Variants in WIPF3 observed in about 807,000 individuals in gnomAD.
WIPF3 encodes WAS/WASL interacting protein family member 3, also known as WAS/WASL-interacting protein family member 3.
A neutral mutation model predicts 38.9 loss-of-function variants in WIPF3; 33 were observed. The ratio of observed to expected loss-of-function variants is 0.85; its 90% CI spans 0.64 to 1.14. WIPF3 has a LOEUF of 1.14. Among genes scored for constraint, WIPF3 ranks in the 50% most tolerant of loss-of-function variants. The probability of loss-of-function intolerance (pLI) is 0.00; values close to 1 mark genes in which losing one functional copy is unlikely to be tolerated. For synonymous variants in WIPF3, 324 were observed against 269.3 expected (o/e 1.20, Z -1.99); for missense variants, 711 against 652.5 (o/e 1.09, Z -0.98).
chr7:29,824,731 C>T (rs938324995), intron 1 of WIPF3, among the ~76,000 whole-genome samples: 4 of 151,976 alleles, frequency 2.6e-5, no homozygotes, highest in Admixed American at 6.6e-5. Context: ...TAGGTGACAC[C>T]TGTAGTCGAT....
At chr7:29,833,499 G>C (rs867836418) in intron 1 of WIPF3, among the ~76,000 whole-genome samples, 1 of 152,194 alleles carries the variant, frequency 6.6e-6, no homozygotes, top group Non-Finnish European at 1.5e-5. Flanking sequence ...GTAGAAATAA[G>C]TGTGATTAGT....
At chr7:29,835,731 A>G (rs1166076327) in intron 2 of WIPF3, among the ~76,000 whole-genome samples, 1 of 152,220 alleles carries the variant, frequency 6.6e-6, no homozygotes, top group Non-Finnish European at 1.5e-5. Context: ...GGCGTCTCGC[A>G]TCCGCTCCGC....
intron 4 of WIPF3, 112 bp from the exon 5 acceptor site, chr7:29,883,738 G>T: frequency 7.2e-7 from 1 of 1,392,530 alleles, no homozygotes. Flanking sequence ...AGAAAAAGCG[G>T]TCTACAGTGC....
In WIPF3 at chr7:29,834,782, G is replaced by A. The variant is rs1163664605; in HGVS notation, c.58G>A (p.Ala20Thr). 9 of 1,513,574 alleles carry A rather than the reference G, an allele frequency of 5.9e-6. No homozygotes were observed. The highest frequency in any genetic ancestry group is 2.2e-5 in the Admixed American group (1 of 46,442). 93.8% of individuals were successfully genotyped at this position (1,513,574 alleles called of 1,614,324 possible). The change falls in exon 2 of 9, where the codon GCT (alanine) becomes ACT (threonine). Residue 20 changes from alanine to threonine, a missense_variant. Physicochemically the swap from Ala to Thr is moderately conservative, Grantham distance 58. Transcript: ENST00000242140. ...GCCTCCACCTCCCCCGCCTCTGGGGGCTCCTCCCCCTCCCCCACCATCAGC... is the reference window on the plus strand; with the variant it reads ...GCCTCCACCTCCCCCGCCTCTGGGGACTCCTCCCCCTCCCCCACCATCAGC... Reference protein sequence around the residue: ...PLPPPPPPLGAPPPPPPSAPP... With the variant: ...PLPPPPPPLGTPPPPPPSAPP...
chr7:29,828,243 A>G (rs1413180550), intron 1 of WIPF3, among the ~76,000 whole-genome samples: 5 of 152,244 alleles, frequency 3.3e-5, no homozygotes, highest in African/African-American at 1.2e-4. Context: ...AGTGTGTAAA[A>G]TTACTTACAT....
chr7:29,850,634 G>A (rs952326519), intron 2 of WIPF3, among the ~76,000 whole-genome samples: 1 of 152,176 alleles, frequency 6.6e-6, no homozygotes, highest in Non-Finnish European at 1.5e-5. Context: ...AGAGATTCAG[G>A]CTCACACAGG....
rs1166180481 is a variant in WIPF3, at chr7:29,884,324, C to T, written c.830C>T (p.Ala277Val). 1 of 1,413,950 alleles carries T rather than the reference C, an allele frequency of 7.1e-7. No individual in the cohort carries two copies. The highest frequency in any genetic ancestry group is 1.6e-5 in the African/African-American group (1 of 63,062). 87.6% of individuals were successfully genotyped at this position (1,413,950 alleles called of 1,614,324 possible). The stretch of plus-strand genomic sequence containing the variant: ...CCTTGTGGGTATCCGGGGCTCAAAG[C>T]GGAGCCCGCCAGCCCTGCGCAAGAT... ...LPPCGYPGLK[A>V]EPASPAQDAQ... The change falls in exon 5 of 9, where the codon GCG becomes GTG. Residue 277 changes from alanine to valine, a missense_variant. Ala to Val is a moderately conservative substitution (Grantham distance 64). Coordinates refer to ENST00000242140, the MANE Select transcript of WIPF3 (RefSeq NM_001080529.3).
intron 2 of WIPF3, among the ~76,000 whole-genome samples, chr7:29,868,976 AC>A (rs1387946463): frequency 4.6e-5 from 7 of 151,054 alleles, no homozygotes; most frequent in Admixed American, 2.6e-4. Flanking sequence ...ATGTACATAC[AC>A]CCCCCAAGCA....
intron 1 of WIPF3, among the ~76,000 whole-genome samples, chr7:29,831,011 A>G (rs1158331441): frequency 6.6e-6 from 1 of 152,252 alleles, no homozygotes; most frequent in Non-Finnish European, 1.5e-5. Context: ...GAAAAACTGT[A>G]GACACTGACG....
intron 2 of WIPF3, among the ~76,000 whole-genome samples, chr7:29,839,131 T>C (rs1056703012): frequency 2.0e-5 from 3 of 152,182 alleles, no homozygotes; most frequent in African/African-American, 7.2e-5. Flanking sequence ...TGGGTGCTTC[T>C]AGAGTGCTGG....
chr7:29,879,875 G>C (rs1458605400), intron 4 of WIPF3, among the ~76,000 whole-genome samples: 1 of 152,184 alleles, frequency 6.6e-6, no homozygotes, highest in South Asian at 2.1e-4. Context: ...CTTAGTCTTG[G>C]AAGTATTACT....
chr7:29,841,365 T>C (rs752618180), intron 2 of WIPF3, among the ~76,000 whole-genome samples: 1 of 152,174 alleles, frequency 6.6e-6, no homozygotes, highest in Non-Finnish European at 1.5e-5. Context: ...CTTTTCTTTT[T>C]TCAAGAGCGT....
chr7:29,861,518 A>T lies in WIPF3; in HGVS notation c.91-14312A>T, dbSNP rs991554495. Among the ~76,000 whole-genome samples, 3 of 152,034 alleles carry T rather than the reference A, an allele frequency of 2.0e-5. No individual in the cohort carries two copies. In the East Asian group the frequency reaches 5.8e-4, roughly 29 times the overall value. On this transcript the variant is annotated intron_variant, in intron 2 of 8. Coordinates refer to ENST00000242140, the MANE Select transcript of WIPF3 (RefSeq NM_001080529.3). ...TTTCCTTTGTTTTCTCTTCGTTGTG[A>T]CCTGTTAGCATAGTAGTTTATACTA... is the stretch of plus-strand genomic sequence containing the variant.
At position 29,884,264 on chromosome 7, in the gene WIPF3, T is replaced by TTCCCCCCCCCCCCCC; in HGVS notation, c.770_771insTCCCCCCCCCCCCCC (p.Pro259_Ile260insProProProProPro). Reference sequence around the variant, plus strand: ...AAGCCTCAGCTGGCTCCCTTGCACCTCCCGCCCATCCCGCCCCCGCTCCCT... The same window carrying TTCCCCCCCCCCCCCC: ...AAGCCTCAGCTGGCTCCCTTGCACCTTCCCCCCCCCCCCCCCCCGCCCATCCCGCCCCCGCTCCCT... On this transcript the variant is annotated inframe_insertion, in exon 5 of 9. Coordinates refer to ENST00000242140, the MANE Select transcript of WIPF3 (RefSeq NM_001080529.3). The TTCCCCCCCCCCCCCC allele has an allele frequency of 1.1e-5, 14 of 1,315,266 alleles. No individual in the cohort carries two copies. Among genetic ancestry groups the TTCCCCCCCCCCCCCC allele is most frequent in the South Asian group, 2.7e-5 (2 of 74,142 alleles). The allele number at this position is 1,315,266 out of a possible 1,614,324, so 81.5% of individuals were successfully genotyped here. A position where few individuals can be genotyped will look rare whatever the true frequency, so the allele number is the denominator to read the frequency against.
chr7:29,806,909 CGGCCG>C (rs554229016), intron 1 of WIPF3, among the ~76,000 whole-genome samples: 13 of 151,354 alleles, frequency 8.6e-5, no homozygotes, highest in Non-Finnish European at 1.5e-4. Flanking sequence ...CACGCCGCCC[CGGCCG>C]GGCCGGGCCG....
chr7:29,889,879 G>A (rs1183615589), intron 7 of WIPF3, among the ~76,000 whole-genome samples: 1 of 152,128 alleles, frequency 6.6e-6, no homozygotes, highest in Non-Finnish European at 1.5e-5. Context: ...AATCCTGAAG[G>A]CCAGGTTACA....
intron 2 of WIPF3, among the ~76,000 whole-genome samples, chr7:29,847,232 A>T (rs1159940545): frequency 1.3e-5 from 2 of 152,242 alleles, no homozygotes; most frequent in Admixed American, 6.5e-5. Context: ...CGACATGTTC[A>T]GGTCAAAAGT....
In WIPF3 at chr7:29,823,269, CA is replaced by C. The variant is rs1256005186; in HGVS notation, c.-57-11398del. On this transcript the variant is annotated intron_variant, in intron 1 of 8. Transcript: ENST00000242140. This position sits in a 1 kb window ranked among gnomAD's most constrained non-coding sequence, Gnocchi z 4.0. ...CTGTAAGCTTTGAGAACCCAACATTCATTTTTTTTTTAGATGGAGTGTCACT... is the reference window on the plus strand; with the variant it reads ...CTGTAAGCTTTGAGAACCCAACATTCTTTTTTTTTTAGATGGAGTGTCACT... 6.6e-6 allele frequency among the ~76,000 whole-genome samples: 1 copy of C among 151,946 alleles called. No individual in the cohort carries two copies. The highest frequency in any genetic ancestry group is 1.5e-5 in the Non-Finnish European group (1 of 67,998).
At chr7:29,910,211 A>G (rs1786480272) in intron 8 of WIPF3, among the ~76,000 whole-genome samples, 1 of 152,108 alleles carries the variant, frequency 6.6e-6, no homozygotes. Flanking sequence ...ATATACACCT[A>G]CTATGTACCC....
Sources: gnomAD v4.1 joint callset for allele counts (sites outside exome capture counted in the v4.1 genomes callset) on GRCh38, gnomAD v4.1.1 for gene constraint, Gnocchi (gnomAD v3.1) non-coding constraint, MANE v1.5 for transcripts, NCBI Gene and HGNC (gene_info 2026-07-23, HGNC 2026-07-21) for gene names.